APBB2: variants seen among roughly 807,000 people sequenced by gnomAD.
APBB2 encodes Fe65-like 1.
A neutral mutation model predicts 82.5 loss-of-function variants in APBB2; 38 were observed. The observed-to-expected ratio is 0.46, with a 90% CI of 0.36 to 0.60. The LOEUF (loss-of-function observed/expected upper bound fraction) is 0.60, where lower values mean the gene tolerates loss of function less well. APBB2 is among the 20% of genes least tolerant of loss of function. The probability of loss-of-function intolerance (pLI) is 0.00; values close to 1 mark genes in which losing one functional copy is unlikely to be tolerated. For missense variants in APBB2, 772 were observed against 972.3 expected (o/e 0.79, Z 2.74); for synonymous variants, 341 against 368.2 (o/e 0.93, Z 0.85).
At chr4:41,159,961 G>GAGGAGGAGA (rs1764560364) in intron 1 of APBB2, among the ~76,000 whole-genome samples, 8 of 31,992 alleles carry the variant, frequency 2.5e-4, no homozygotes, top group East Asian at 1.0e-3. Context: ...GAAGGAGAAG[G>GAGGAGGAGA]AGAAGAAGAA....
At chr4:41,046,934 C>CTGGTTCAAT (rs1304233801) in intron 4 of APBB2, among the ~76,000 whole-genome samples, 5 of 152,226 alleles carry the variant, frequency 3.3e-5, no homozygotes, top group African/African-American at 1.2e-4. Flanking sequence ...TCTGATGAAC[C>CTGGTTCAAT]TGGTTCAATT....
chr4:40,994,522 C>G (rs1268544275), intron 6 of APBB2, among the ~76,000 whole-genome samples: 1 of 151,850 alleles, frequency 6.6e-6, no homozygotes, highest in Non-Finnish European at 1.5e-5. Context: ...GAAAATATTA[C>G]TGTATCTTGG....
intron 1 of APBB2, among the ~76,000 whole-genome samples, chr4:41,175,550 A>C (rs1257729949): frequency 6.6e-6 from 1 of 152,118 alleles, no homozygotes; most frequent in East Asian, 1.9e-4. Context: ...TGCTCCCACC[A>C]ATCAAGCTGT....
At chr4:40,975,306 G>T (rs1314935471) in intron 6 of APBB2, among the ~76,000 whole-genome samples, 8 of 152,156 alleles carry the variant, frequency 5.3e-5, no homozygotes, top group Non-Finnish European at 8.8e-5. Flanking sequence ...ACGTGTTCCA[G>T]TATATGGACA....
chr4:41,013,805 C>A lies in APBB2; in HGVS notation c.613G>T (p.Asp205Tyr), dbSNP rs576691511. The change falls in exon 6 of 18, where the codon GAT becomes TAT. Residue 205 changes from aspartate to tyrosine, a missense_variant. By Grantham distance (160) the Asp-to-Tyr change is radical. Coordinates refer to ENST00000508593, the MANE Select transcript of APBB2 (RefSeq NM_004307.2). Reference protein sequence around the residue: ...GQASTIIGNGDLLLQKPNRPQ... With the variant: ...GQASTIIGNGYLLLQKPNRPQ... ...CTGTTTGGTTTCTGCAGCAGCAAAT[C>A]GCCATTCCCAATGATGGTGGAGGCC... is the stretch of plus-strand genomic sequence containing the variant. 1.1e-5 allele frequency: 18 copies of A among 1,614,184 alleles called. No homozygotes were observed. The highest frequency in any genetic ancestry group is 1.5e-5 in the Non-Finnish European group (18 of 1,180,044).
chr4:40,920,878 A>T (rs146624769), intron 10 of APBB2, among the ~76,000 whole-genome samples: 1,614 of 152,282 alleles, frequency 0.011, 13 homozygotes, highest in Middle Eastern at 0.027. Context: ...TCTCATAAAC[A>T]CAAAACAAAA....
Position 41,163,793 on chromosome 4 carries a change from C to T in APBB2, c.-416-20651G>A, listed in dbSNP as rs114091823. On this transcript the variant is annotated intron_variant, in intron 1 of 17. Transcript: ENST00000508593. ...GTCTGAGGCAAATGTGTATTTTCCA[C>T]GTTAATTCTATTTTTTAGAAAATGA... Among the ~76,000 whole-genome samples, 729 of 152,206 alleles carry T rather than the reference C, an allele frequency of 4.8e-3. 13 individuals are homozygous for T. The East Asian group carries it at 0.067, about 14-fold the overall frequency.
At chr4:41,212,949 G>A (rs1779690464) in intron 1 of APBB2, among the ~76,000 whole-genome samples, 1 of 152,078 alleles carries the variant, frequency 6.6e-6, no homozygotes, top group Non-Finnish European at 1.5e-5. Context: ...AAACGAGAAG[G>A]TTGCTACCTA....
At chr4:40,944,502 G>A (rs1277521665) in intron 7 of APBB2, among the ~76,000 whole-genome samples, 1 of 152,144 alleles carries the variant, frequency 6.6e-6, no homozygotes. Flanking sequence ...CTGGCCAAGA[G>A]ATGTTCTTCT....
chr4:41,019,633 C>T (rs1267493997), intron 5 of APBB2, among the ~76,000 whole-genome samples: 2 of 152,060 alleles, frequency 1.3e-5, no homozygotes, highest in East Asian at 3.8e-4. Flanking sequence ...AGGGTGCACC[C>T]TGGGATCTGG....
At chr4:40,891,691 G>A (rs1195324927) in intron 11 of APBB2, among the ~76,000 whole-genome samples, 1 of 152,176 alleles carries the variant, frequency 6.6e-6, no homozygotes, top group African/African-American at 2.4e-5. Flanking sequence ...CCAAAGAGCA[G>A]CTAAGCCATT....
At chr4:40,874,724 C>T (rs1298842124) in intron 12 of APBB2, among the ~76,000 whole-genome samples, 1 of 152,152 alleles carries the variant, frequency 6.6e-6, no homozygotes, top group Non-Finnish European at 1.5e-5. Flanking sequence ...AGCTCAGACC[C>T]TTCAACAGCT....
rs1176208438 is a variant in APBB2, at chr4:40,982,213, AAAAGAAAGGAAAG to A, written c.835+31357_835+31369del. The stretch of plus-strand genomic sequence containing the variant: ...AAAAAAGGAAAGAAAGAAAAGAAAG[AAAAGAAAGGAAAG>A]AAAGAAAGAAAGAAAGAAAGAAAGA... On this transcript the variant is annotated intron_variant, in intron 6 of 17. Transcript: ENST00000508593. 4.7e-3 allele frequency among the ~76,000 whole-genome samples: 138 copies of A among 29,644 alleles called. 15 individuals carry two copies. Among genetic ancestry groups the A allele is most frequent in the African/African-American group, 5.7e-3 (50 of 8,828 alleles). The allele number at this position is 29,644 out of a possible 152,430, so 19.4% of individuals were successfully genotyped here. A position where few individuals can be genotyped will look rare whatever the true frequency, so the allele number is the denominator to read the frequency against.
At chr4:40,923,210 T>C (rs1402198182) in intron 10 of APBB2, among the ~76,000 whole-genome samples, 5 of 145,902 alleles carry the variant, frequency 3.4e-5, no homozygotes, top group Non-Finnish European at 3.0e-5. Flanking sequence ...CTCCTGACCT[T>C]GTGATCCGCC....
At chr4:40,977,770 A>G (rs1019000165) in intron 6 of APBB2, among the ~76,000 whole-genome samples, 6 of 152,252 alleles carry the variant, frequency 3.9e-5, no homozygotes, top group African/African-American at 1.4e-4. Context: ...GAATGACTAC[A>G]GTGTGTGACA....
chr4:40,894,540 G>GA (rs1020546140), intron 10 of APBB2, among the ~76,000 whole-genome samples: 18 of 151,986 alleles, frequency 1.2e-4, no homozygotes, highest in Non-Finnish European at 4.4e-5. Flanking sequence ...GCAAAACAAG[G>GA]AAAAAAAGTA....
chr4:41,066,342 G>A (rs1255859103), intron 3 of APBB2, among the ~76,000 whole-genome samples: 1 of 152,112 alleles, frequency 6.6e-6, no homozygotes, highest in Non-Finnish European at 1.5e-5. Context: ...CCATCAAGTC[G>A]ATTTACTGTC....
intron 3 of APBB2, among the ~76,000 whole-genome samples, chr4:41,082,408 G>A (rs1189599428): frequency 2.6e-5 from 4 of 152,094 alleles, no homozygotes; most frequent in Non-Finnish European, 4.4e-5. Flanking sequence ...CCTATGGAAC[G>A]CATAATGATC....
rs564561645 is a variant in APBB2 at position 40,977,266 on chromosome 4, T to C, written c.836-32193A>G. The stretch of plus-strand genomic sequence containing the variant: ...ATGTAGGTGTCTTTTATTTTATTCT[T>C]AGTAAATACTAATTAAGAAAAGAAC... On this transcript the variant is annotated intron_variant, in intron 6 of 17. Transcript: ENST00000508593. 3.9e-5 allele frequency among the ~76,000 whole-genome samples: 6 copies of C among 152,068 alleles called. No individual in the cohort carries two copies. The East Asian group carries it at 1.2e-3, about 29-fold the overall frequency.
Sources: allele counts gnomAD v4.1 joint callset (sites outside exome capture counted in the v4.1 genomes callset), GRCh38; gene constraint gnomAD v4.1.1; transcripts MANE v1.5; gene names NCBI Gene and HGNC (gene_info 2026-07-23, HGNC 2026-07-21).